PRMT7: variants seen among roughly 807,000 people sequenced by gnomAD.
The protein encoded by PRMT7 is protein arginine N-methyltransferase 7.
PRMT7 carries 75 observed loss-of-function variants against 85.4 expected under a neutral mutation model. The observed-to-expected ratio is 0.88, with a 90% CI of 0.73 to 1.06. The LOEUF (loss-of-function observed/expected upper bound fraction) is 1.06. Among genes scored for constraint, PRMT7 ranks in the 50% least tolerant of loss-of-function variants. PRMT7 has a pLI of 0.00. For missense variants in PRMT7, 868 were observed against 915.2 expected (o/e 0.95, Z 0.67); for synonymous variants, 397 against 359.5 (o/e 1.10, Z -1.18).
chr16:68,317,885 G>A (rs1312047219), intron 3 of PRMT7, among the ~76,000 whole-genome samples: 1 of 151,734 alleles, frequency 6.6e-6, no homozygotes, highest in East Asian at 1.9e-4. Context: ...ATTCTGGGGA[G>A]CAGCTAGCAG....
intron 9 of PRMT7, among the ~76,000 whole-genome samples, chr16:68,343,237 A>T (rs181356179): frequency 6.6e-6 from 1 of 152,082 alleles, no homozygotes; most frequent in South Asian, 2.1e-4. Context: ...TTTAATTTGC[A>T]TATCTTCGGA....
chr16:68,350,259 T>G (rs1212940146), intron 14 of PRMT7, among the ~76,000 whole-genome samples: 1 of 152,214 alleles, frequency 6.6e-6, no homozygotes, highest in Non-Finnish European at 1.5e-5. Context: ...AGAGGATGTA[T>G]GTCCTCAGTC....
intron 6 of PRMT7, among the ~76,000 whole-genome samples, chr16:68,337,121 C>G (rs1434084585): frequency 6.6e-6 from 1 of 152,164 alleles, no homozygotes; most frequent in Non-Finnish European, 1.5e-5. Flanking sequence ...CTCCTGAACT[C>G]AATCCATTGG....
At chr16:68,346,536 GAC>G (rs373895686) in intron 11 of PRMT7, among the ~76,000 whole-genome samples, 263 of 151,526 alleles carry the variant, frequency 1.7e-3, no homozygotes, top group African/African-American at 5.8e-3. Flanking sequence ...TGCCTTGTCA[GAC>G]ACAGTCATTG....
chr16:68,353,410 C>T, intron 15 of PRMT7, 82 bp from the exon 16 acceptor site: 3 of 1,598,778 alleles, frequency 1.9e-6, no homozygotes, highest in East Asian at 2.3e-5. Flanking sequence ...CAGGGAACAG[C>T]AAGATGTGCC....
At chr16:68,358,710 T>C (rs1424841132), downstream of PRMT7, 1 of 152,582 alleles carries the variant, frequency 6.6e-6, no homozygotes, top group Non-Finnish European at 1.5e-5. Flanking sequence ...CCGCGCCTTG[T>C]GGCTTCCTTT....
intron 13 of PRMT7, 42 bp downstream of exon 13, chr16:68,347,720 TG>T (rs2086629098): frequency 1.9e-6 from 3 of 1,591,460 alleles, no homozygotes; most frequent in Non-Finnish European, 2.6e-6. Context: ...AGAGGACCTG[TG>T]GGGTCTGGGT....
At chr16:68,354,284 GTGGGAGGATGGCTTTAGCC>G (rs1350028030) in intron 16 of PRMT7, 1 of 152,304 alleles carries the variant, frequency 6.6e-6, no homozygotes, top group African/African-American at 2.4e-5. Flanking sequence ...GGAGGCTGAG[GTGGGAGGATGGCTTTAGCC>G]TGGGAGGTCG....
chr16:68,342,645 C>T (rs146779338), intron 9 of PRMT7, among the ~76,000 whole-genome samples: 103 of 152,214 alleles, frequency 6.8e-4, no homozygotes, highest in African/African-American at 2.2e-3. Flanking sequence ...CTGTTTAGGC[C>T]GAAGGGTTGT....
At position 68,347,278 on chromosome 16, in the gene PRMT7, A is replaced by G. The variant is rs754643380; in HGVS notation, c.1259A>G (p.His420Arg). Reference protein sequence around the residue: ...DGSLLSVLAHHLGVEQVFTVE... With the variant: ...DGSLLSVLAHRLGVEQVFTVE... ...AGCCTGCTCTCCGTGCTGGCCCATC[A>G]CCTGGGGGTGGAGCAGGTACTGACA... The change falls in exon 12 of 19, where the codon CAC (histidine) becomes CGC (arginine). Residue 420 changes from histidine (H) to arginine (R), a missense_variant. Coordinates refer to ENST00000441236, the MANE Select transcript of PRMT7 (RefSeq NM_019023.5). 3.2e-6 allele frequency: 5 copies of G among 1,547,680 alleles called. No homozygotes were observed. The highest frequency in any genetic ancestry group is 1.7e-4 in the Middle Eastern group (1 of 5,964).
chr16:68,328,233 A>G (rs1185162144), intron 5 of PRMT7: 1 of 211,626 alleles, frequency 4.7e-6, no homozygotes, highest in Non-Finnish European at 1.1e-5. Flanking sequence ...TCCTGCCCTC[A>G]GGTCAGAACA....
chr16:68,313,319 C>T (rs545464043), intron 2 of PRMT7, among the ~76,000 whole-genome samples: 26 of 152,222 alleles, frequency 1.7e-4, no homozygotes, highest in South Asian at 1.5e-3. Context: ...CCAGTCATCA[C>T]GCTTATGAAC....
At chr16:68,343,864 A>G (rs1015939476) in intron 9 of PRMT7, among the ~76,000 whole-genome samples, 1 of 152,218 alleles carries the variant, frequency 6.6e-6, no homozygotes, top group African/African-American at 2.4e-5. Flanking sequence ...GGGTGGGCAC[A>G]TTCCTTACCT....
At chr16:68,350,297 G>C (rs2087104879) in intron 14 of PRMT7, among the ~76,000 whole-genome samples, 1 of 152,246 alleles carries the variant, frequency 6.6e-6, no homozygotes, top group East Asian at 1.9e-4. Context: ...GGTGTGGATT[G>C]CTGGGTCATG....
Position 68,357,054 on chromosome 16 carries a change from G to T in PRMT7, c.1909G>T (p.Gly637Trp), listed in dbSNP as rs145555776. ...CATCTTCCTGCTCTTCTTCCTACAG[G>T]GGGGCTGCTGCTGGAACCCCCACTG... ...TGLLEPADPE[G>W]GCCWNPHCKQ... The change falls in exon 19 of 19, where the codon GGG becomes TGG. Residue 637 changes from glycine to tryptophan, a missense_variant and splice_region_variant. By Grantham distance (184) the Gly-to-Trp change is radical. Coordinates refer to ENST00000441236, the MANE Select transcript of PRMT7 (RefSeq NM_019023.5). The T allele has an allele frequency of 3.1e-6, 5 of 1,605,078 alleles. No homozygotes were observed. The highest frequency in any genetic ancestry group is 4.3e-6 in the Non-Finnish European group (5 of 1,175,238).
In PRMT7 at chr16:68,339,870, G is replaced by C; in HGVS notation, c.829G>C (p.Val277Leu). The change falls in exon 9 of 19, where the codon GTG (valine) becomes CTG (leucine). Residue 277 changes from valine to leucine, a missense_variant. Transcript: ENST00000441236. ...ACCTCTGACATCTGGCCGAGCTCAG[G>C]TGGTTCTCTCGTGGTGGGACATTGA... ...FEPLTSGRAQ[V>L]VLSWWDIEMD... The C allele has an allele frequency of 6.2e-7, 1 of 1,614,226 alleles. No individual in the cohort carries two copies. The highest frequency in any genetic ancestry group is 8.5e-7 in the Non-Finnish European group (1 of 1,180,024).
At chr16:68,319,711 AGTGT>A (rs369478826) in intron 3 of PRMT7, among the ~76,000 whole-genome samples, 35 of 141,442 alleles carry the variant, frequency 2.5e-4, no homozygotes, top group African/African-American at 2.7e-4. Context: ...TAAGAGTGAG[AGTGT>A]GTGTGTGTGT....
intron 9 of PRMT7, among the ~76,000 whole-genome samples, chr16:68,344,601 C>CT (rs201729170): frequency 4.7e-5 from 7 of 150,148 alleles, no homozygotes; most frequent in South Asian, 2.1e-4. Context: ...GTGAATATAA[C>CT]TTTTTTTTTT....
chr16:68,345,577 C>T (rs912747847), intron 9 of PRMT7, 98 bp from the exon 10 acceptor site: 41 of 1,528,194 alleles, frequency 2.7e-5, no homozygotes, highest in Middle Eastern at 2.3e-4. Flanking sequence ...ACATTGTGGA[C>T]GTCCTGAAAA....
Sources: allele counts gnomAD v4.1 joint callset (sites outside exome capture counted in the v4.1 genomes callset), GRCh38; gene constraint gnomAD v4.1.1; transcripts MANE v1.5; gene names NCBI Gene and HGNC (gene_info 2026-07-23, HGNC 2026-07-21).